The following DGKZ variants were observed in gnomAD, a reference collection of about 807,000 sequenced individuals.
DGKZ encodes diacylglycerol kinase zeta.
A neutral mutation model predicts 142.5 loss-of-function variants in DGKZ; 45 were observed. The ratio of observed to expected loss-of-function variants is 0.32; its 90% CI spans 0.25 to 0.40. DGKZ has a LOEUF of 0.40. DGKZ is among the 10% of genes least tolerant of loss of function. The probability of loss-of-function intolerance (pLI) is 1.00; values close to 1 mark genes in which losing one functional copy is unlikely to be tolerated. For synonymous variants in DGKZ, 442 were observed against 527.0 expected (o/e 0.84, Z 2.21); for missense variants, 755 against 1,306.5 (o/e 0.58, Z 6.51).
intron 1 of DGKZ, among the ~76,000 whole-genome samples, chr11:46,350,945 G>T (rs749649046): frequency 6.6e-6 from 1 of 151,238 alleles, no homozygotes; most frequent in Non-Finnish European, 1.5e-5. Flanking sequence ...ACTTCTTGCC[G>T]GAACTATCAG....
intron 1 of DGKZ, among the ~76,000 whole-genome samples, chr11:46,349,950 T>G (rs1023229385): frequency 5.3e-5 from 8 of 152,134 alleles, no homozygotes; most frequent in African/African-American, 1.9e-4. Context: ...CTGGGCATTG[T>G]TTGAAGCTTC....
intron 1 of DGKZ, among the ~76,000 whole-genome samples, chr11:46,363,816 G>A (rs1287380465): frequency 6.6e-6 from 1 of 152,344 alleles, no homozygotes; most frequent in Non-Finnish European, 1.5e-5. Flanking sequence ...CTGGCAGGCC[G>A]GTGCCCTGAC....
intron 1 of DGKZ, chr11:46,362,092 C>A (rs553765995): frequency 6.6e-6 from 1 of 152,350 alleles, no homozygotes; most frequent in Non-Finnish European, 1.5e-5. Context: ...AGCTTCCCCA[C>A]CTCCTTCCCT....
At chr11:46,366,280 T>A in intron 1 of DGKZ, 1 of 1,583,116 alleles carries the variant, frequency 6.3e-7, no homozygotes, top group Non-Finnish European at 8.5e-7. Flanking sequence ...TTAGGAGACA[T>A]TTCCGGGGGA....
At chr11:46,352,566 G>A (rs756097911) in intron 1 of DGKZ, among the ~76,000 whole-genome samples, 2 of 152,222 alleles carry the variant, frequency 1.3e-5, no homozygotes, top group Admixed American at 6.5e-5. Context: ...GGTCATCTGG[G>A]ACTCCCGCGC....
At chr11:46,365,934 G>C (rs1377034608) in intron 1 of DGKZ, 1 of 985,250 alleles carries the variant, frequency 1.0e-6, no homozygotes, top group Non-Finnish European at 1.2e-6. Context: ...GGGAAGAAGG[G>C]GTAGCCTGAA....
At chr11:46,371,797 G>A in intron 9 of DGKZ, 22 bp downstream of exon 9, 1 of 1,609,106 alleles carries the variant, frequency 6.2e-7, no homozygotes, top group Non-Finnish European at 8.5e-7. Flanking sequence ...GCTGGGCAGA[G>A]GCTGCAGGGG....
exon 6 of DGKZ, chr11:46,370,006 G>A (rs1943769116): frequency 6.2e-7 from 1 of 1,613,746 alleles, no homozygotes; most frequent in South Asian, 1.1e-5. Flanking sequence ...GGCACTGTGG[G>A]AAGGTGAGAG....
intron 1 of DGKZ, among the ~76,000 whole-genome samples, chr11:46,355,703 G>A (rs889241031): frequency 2.0e-5 from 3 of 152,082 alleles, no homozygotes; most frequent in Non-Finnish European, 2.9e-5. Flanking sequence ...TGATGGGGGA[G>A]GGAGCAACAT....
At chr11:46,349,560 CAA>C (rs11411627) in intron 1 of DGKZ, among the ~76,000 whole-genome samples, 1 of 151,096 alleles carries the variant, frequency 6.6e-6, no homozygotes, top group Non-Finnish European at 1.5e-5. Flanking sequence ...TTTTGTAAAA[CAA>C]AAAAAAACCA....
At chr11:46,376,978 C>T in intron 24 of DGKZ, 95 bp from the exon 25 acceptor site, 1 of 1,152,256 alleles carries the variant, frequency 8.7e-7, no homozygotes, top group South Asian at 1.4e-5. Context: ...AGTGTTTGTG[C>T]TCATGGCAGA....
intron 1 of DGKZ, among the ~76,000 whole-genome samples, chr11:46,334,405 G>A (rs1022073127): frequency 1.3e-5 from 2 of 152,220 alleles, no homozygotes; most frequent in East Asian, 1.9e-4. Context: ...GGTTGGAGAG[G>A]ACAAGTTCCC....
chr11:46,359,673 G>A (rs1332677278), intron 1 of DGKZ, among the ~76,000 whole-genome samples: 1 of 151,706 alleles, frequency 6.6e-6, no homozygotes, highest in Non-Finnish European at 1.5e-5. Flanking sequence ...GCGTGATCTC[G>A]GCTCACTGCA....
chr11:46,376,674 T>C lies in DGKZ; in HGVS notation c.2202+110T>C, dbSNP rs549272728. ...CCCGATGGGCTCACCTCTGTCCTCA[T>C]GCCTCTGAGAGCTTTTACTATTGCC... On this transcript the variant is annotated intron_variant, in intron 24 of 30. Coordinates refer to ENST00000527911, the Ensembl canonical transcript of DGKZ. The C allele has an allele frequency of 6.4e-6, 9 of 1,414,712 alleles. No individual in the cohort carries two copies. In the South Asian group the frequency reaches 1.0e-4, roughly 16 times the overall value. 87.6% of individuals were successfully genotyped at this position (1,414,712 alleles called of 1,614,324 possible).
chr11:46,336,033 T>A (rs1939996022), intron 1 of DGKZ, among the ~76,000 whole-genome samples: 1 of 152,188 alleles, frequency 6.6e-6, no homozygotes, highest in African/African-American at 2.4e-5. Context: ...AGAAAAGCAG[T>A]TGAAAGCCCT....
intron 1 of DGKZ, among the ~76,000 whole-genome samples, chr11:46,337,783 AC>A (rs1255971171): frequency 2.0e-5 from 3 of 147,962 alleles, no homozygotes; most frequent in South Asian, 4.1e-4. Flanking sequence ...AAACAAACAA[AC>A]AAAAAAAAAA....
rs1441228490 is a variant in DGKZ, at chr11:46,371,608, G to A, written c.759+5G>A. 1.2e-6 allele frequency: 2 copies of A among 1,612,544 alleles called. 1 individual carries two copies. Among genetic ancestry groups the A allele is most frequent in the South Asian group, 2.2e-5 (2 of 91,032 alleles). ...CTCCGCGCCCGGAGGCCCCAGGTGA[G>A]TACTGCCTGCACCCTTGATGCCCCG... On this transcript the variant is annotated splice_donor_5th_base_variant and intron_variant, in intron 8 of 30. Coordinates refer to ENST00000527911, the Ensembl canonical transcript of DGKZ.
Position 46,376,037 on chromosome 11 carries a change from C to G in DGKZ, c.2012-29C>G, listed in dbSNP as rs529194769. On this transcript the variant is annotated intron_variant, in intron 21 of 30. Coordinates refer to ENST00000527911, the Ensembl canonical transcript of DGKZ. ...CTTGGGCAGGGCTGTGGGGTGCAGC[C>G]AGCTGCTGACAGGTGCTCTGTTCTC... is the stretch of plus-strand genomic sequence containing the variant. 9 of 1,612,072 alleles carry G rather than the reference C, an allele frequency of 5.6e-6. No homozygotes were observed. In the East Asian group the frequency reaches 2.0e-4, roughly 36 times the overall value.
In DGKZ at chr11:46,377,963, ACTC is replaced by A. The variant is rs1356151717; in HGVS notation, c.2343-232_2343-230del. On this transcript the variant is annotated intron_variant, in intron 25 of 30. Transcript: ENST00000527911. The stretch of plus-strand genomic sequence containing the variant: ...TCTTAAGAGCACCCCTGCTCTCAGA[ACTC>A]CTTATTTATTTGACTTGTTTGTATC... The A allele has an allele frequency of 6.7e-6, 4 of 599,772 alleles. No individual in the cohort carries two copies. In the East Asian group the frequency reaches 1.1e-4, roughly 17 times the overall value. 37.2% of individuals were successfully genotyped at this position (599,772 alleles called of 1,614,324 possible).
Sources: gnomAD v4.1 joint callset for allele counts (sites outside exome capture counted in the v4.1 genomes callset) on GRCh38, gnomAD v4.1.1 for gene constraint, MANE v1.5 for transcripts, NCBI Gene and HGNC (gene_info 2026-07-23, HGNC 2026-07-21) for gene names.